The following UGGT2 variants were observed in gnomAD, a reference collection of about 807,000 sequenced individuals.
UGGT2 encodes the protein UDP-glucose:glycoprotein glucosyltransferase 2.
A neutral mutation model predicts 192.1 loss-of-function variants in UGGT2; 180 were observed. That is an observed-to-expected ratio of 0.94 (90% confidence interval 0.83 to 1.06). The LOEUF (loss-of-function observed/expected upper bound fraction) is 1.06. Ranked by LOEUF, UGGT2 falls within the 50% of genes least tolerant of loss-of-function variation. The probability of loss-of-function intolerance (pLI) is 0.00; values close to 1 mark genes in which losing one functional copy is unlikely to be tolerated. For missense variants in UGGT2, 1,849 were observed against 1,795.7 expected (o/e 1.03, Z -0.54); for synonymous variants, 580 against 591.0 (o/e 0.98, Z 0.27).
At chr13:95,988,569 C>G (rs2051362314) in intron 8 of UGGT2, among the ~76,000 whole-genome samples, 1 of 152,170 alleles carries the variant, frequency 6.6e-6, no homozygotes, top group East Asian at 1.9e-4. Flanking sequence ...GAGGTAGATT[C>G]TTTACAGTAA....
chr13:95,888,206 A>T (rs2047700797), intron 25 of UGGT2, among the ~76,000 whole-genome samples: 1 of 152,202 alleles, frequency 6.6e-6, no homozygotes, highest in Non-Finnish European at 1.5e-5. Flanking sequence ...TCAATGTCCC[A>T]GGGTTATGCT....
chr13:96,034,368 T>A (rs767760080), intron 1 of UGGT2, among the ~76,000 whole-genome samples: 3 of 152,200 alleles, frequency 2.0e-5, no homozygotes, highest in Non-Finnish European at 4.4e-5. Context: ...CAACTTCAGT[T>A]CTCCTAAGAG....
chr13:95,926,944 T>C, intron 19 of UGGT2, 84 bp downstream of exon 19: 1 of 1,289,232 alleles, frequency 7.8e-7, no homozygotes, highest in East Asian at 2.6e-5. Context: ...TAGCAACATA[T>C]TAAAATTTAT....
intron 29 of UGGT2, among the ~76,000 whole-genome samples, chr13:95,873,911 G>A (rs1309526615): frequency 6.6e-6 from 1 of 152,226 alleles, no homozygotes; most frequent in Middle Eastern, 3.4e-3. Context: ...GGGAAACTGG[G>A]TCTGGGGTCA....
At chr13:95,822,772 T>C (rs1159305053) in intron 38 of UGGT2, among the ~76,000 whole-genome samples, 1 of 152,008 alleles carries the variant, frequency 6.6e-6, no homozygotes, top group African/African-American at 2.4e-5. Flanking sequence ...TGTTTCATTG[T>C]TCTTTTTTGT....
chr13:96,014,214 AG>A (rs1416942183), intron 4 of UGGT2, among the ~76,000 whole-genome samples: 1 of 152,332 alleles, frequency 6.6e-6, no homozygotes, highest in East Asian at 1.9e-4. Flanking sequence ...CCAAGAGATA[AG>A]GAAGTTCAGA....
intron 38 of UGGT2, among the ~76,000 whole-genome samples, chr13:95,816,453 A>T (rs930574594): frequency 2.0e-5 from 3 of 152,220 alleles, no homozygotes; most frequent in Admixed American, 2.0e-4. Context: ...CATATGGTCC[A>T]GACTAAGACT....
chr13:96,028,866 C>T (rs1307375017), intron 2 of UGGT2, among the ~76,000 whole-genome samples: 1 of 151,990 alleles, frequency 6.6e-6, no homozygotes. Context: ...CTCATTAGGC[C>T]GGGCACGGTG....
At chr13:95,968,470 G>A (rs1244539510) in intron 12 of UGGT2, among the ~76,000 whole-genome samples, 1 of 151,976 alleles carries the variant, frequency 6.6e-6, no homozygotes, top group African/African-American at 2.4e-5. Flanking sequence ...CCGGAGGTAG[G>A]GCCTGATAGG....
chr13:96,023,610 A>G lies in UGGT2; in HGVS notation c.372+19T>C. 1 of 1,599,322 alleles carries G rather than the reference A, an allele frequency of 6.3e-7. No individual in the cohort carries two copies. Among genetic ancestry groups the G allele is most frequent in the South Asian group, 1.1e-5 (1 of 88,320 alleles). ...TAGCGTGCCTCTTTGTCAAATACAGATTGGGTATTTTTACGCACCTGCTGA... is the reference window on the plus strand; with the variant it reads ...TAGCGTGCCTCTTTGTCAAATACAGGTTGGGTATTTTTACGCACCTGCTGA... On this transcript the variant is annotated intron_variant, in intron 3 of 38. Transcript: ENST00000376747.
intron 26 of UGGT2, among the ~76,000 whole-genome samples, chr13:95,886,961 G>A (rs1459689197): frequency 2.0e-5 from 3 of 152,068 alleles, no homozygotes; most frequent in African/African-American, 4.8e-5. Flanking sequence ...AGGCTGAGGT[G>A]GGAAAATCAC....
chr13:95,861,017 C>T (rs905201388), intron 31 of UGGT2, 134 bp from the exon 32 acceptor site: 2 of 415,432 alleles, frequency 4.8e-6, no homozygotes, highest in Admixed American at 4.5e-5. Flanking sequence ...ATAATATTTA[C>T]AAACTAATAT....
chr13:96,040,221 T>C (rs1381938484), intron 1 of UGGT2, among the ~76,000 whole-genome samples: 2 of 152,212 alleles, frequency 1.3e-5, no homozygotes, highest in African/African-American at 2.4e-5. Flanking sequence ...CAGAAACTTA[T>C]TCTCTCACAA....
intron 19 of UGGT2, among the ~76,000 whole-genome samples, chr13:95,926,407 C>T (rs780476767): frequency 1.1e-4 from 17 of 152,174 alleles, no homozygotes; most frequent in Admixed American, 2.0e-4. Context: ...CACTTCCCTA[C>T]TGAGACCAAA....
At chr13:95,830,675 T>C (rs1886565014) in intron 38 of UGGT2, among the ~76,000 whole-genome samples, 1 of 152,194 alleles carries the variant, frequency 6.6e-6, no homozygotes, top group African/African-American at 2.4e-5. Context: ...TTTTACAGTA[T>C]GGTAAGGCTG....
At chr13:95,832,023 A>C (rs1176583724) in intron 38 of UGGT2, among the ~76,000 whole-genome samples, 2 of 150,120 alleles carry the variant, frequency 1.3e-5, no homozygotes, top group African/African-American at 4.9e-5. Context: ...ACACCAAGAA[A>C]ACTTTTTTTT....
At chr13:95,924,413 T>TTTTTTTTTTTTA (rs2048952784) in intron 20 of UGGT2, among the ~76,000 whole-genome samples, 1 of 134,946 alleles carries the variant, frequency 7.4e-6, no homozygotes, top group Non-Finnish European at 1.5e-5. Context: ...TTTTTTTTTT[T>TTTTTTTTTTTTA]TTTTTTTTTT....
At position 95,996,075 on chromosome 13, in the gene UGGT2, A is replaced by G; in HGVS notation, c.818T>C (p.Phe273Ser). 1.2e-6 allele frequency: 2 copies of G among 1,613,626 alleles called. No homozygotes were observed. Among genetic ancestry groups the G allele is most frequent in the Admixed American group, 1.7e-5 (1 of 59,958 alleles). Reference sequence around the variant, plus strand: ...CATTCAGACTTACTTTAGTTTCCCAAAGAGAAATCCTTGAACTTCATTTGT... The same window carrying G: ...CATTCAGACTTACTTTAGTTTCCCAGAGAGAAATCCTTGAACTTCATTTGT... ...TETNEVQGFL[F>S]GKLKEIYSDL... Residue 273 changes from phenylalanine to serine, a missense_variant, in exon 7 of 39, where the codon TTT becomes TCT. Coordinates refer to ENST00000376747, the MANE Select transcript of UGGT2 (RefSeq NM_020121.4).
chr13:95,905,796 A>G (rs975157611), intron 20 of UGGT2, among the ~76,000 whole-genome samples: 1 of 152,142 alleles, frequency 6.6e-6, no homozygotes, highest in African/African-American at 2.4e-5. Flanking sequence ...TTTTGGTTCC[A>G]TATGAACTTT....
Sources: gnomAD v4.1 joint callset for allele counts (sites outside exome capture counted in the v4.1 genomes callset) on GRCh38, gnomAD v4.1.1 for gene constraint, MANE v1.5 for transcripts, NCBI Gene and HGNC (gene_info 2026-07-23, HGNC 2026-07-21) for gene names.